Variants in CLTC observed in about 807,000 individuals in gnomAD.
CLTC encodes clathrin heavy chain 1.
CLTC carries 16 observed loss-of-function variants against 195.8 expected under a neutral mutation model. The ratio of observed to expected loss-of-function variants is 0.08; its 90% CI spans 0.06 to 0.12. The LOEUF (loss-of-function observed/expected upper bound fraction) is 0.12. CLTC is among the 10% of genes least tolerant of loss of function. CLTC has a pLI of 1.00. For missense variants in CLTC, 796 were observed against 2,027.0 expected (o/e 0.39, Z 11.66); for synonymous variants, 667 against 689.4 (o/e 0.97, Z 0.51).
chr17:59,660,322 TA>T, intron 6 of CLTC, 68 bp from the exon 7 acceptor site: 1 of 1,384,238 alleles, frequency 7.2e-7, no homozygotes, highest in Non-Finnish European at 1.0e-6. Context: ...TAACCTGTTC[TA>T]AACAGATTTG....
chr17:59,679,390 T>A lies in CLTC; in HGVS notation c.2797-7T>A. 1 of 1,597,078 alleles carries A rather than the reference T, an allele frequency of 6.3e-7. No homozygotes were observed. The highest frequency in any genetic ancestry group is 1.3e-5 in the African/African-American group (1 of 74,650). ...ACCTTGAAATTAATCTATCATATCT[T>A]CTTTAGGTTTGCAATGAGAATTCCC... On this transcript the variant is annotated splice_polypyrimidine_tract_variant and splice_region_variant and intron_variant, in intron 17 of 31. Transcript: ENST00000269122.
At chr17:59,663,023 A>G (rs1230129497) in intron 8 of CLTC, among the ~76,000 whole-genome samples, 1 of 152,232 alleles carries the variant, frequency 6.6e-6, no homozygotes, top group East Asian at 1.9e-4. Context: ...TTTTCTGTGA[A>G]CAGTCATATG....
intron 6 of CLTC, among the ~76,000 whole-genome samples, chr17:59,658,276 G>A (rs940715094): frequency 6.6e-6 from 1 of 152,142 alleles, no homozygotes; most frequent in Non-Finnish European, 1.5e-5. Flanking sequence ...GGGCTCAAGC[G>A]ATCCTCCTGC....
chr17:59,672,426 A>C (rs2032868773), intron 14 of CLTC, among the ~76,000 whole-genome samples: 1 of 130,432 alleles, frequency 7.7e-6, no homozygotes, highest in African/African-American at 2.7e-5. Flanking sequence ...TGTATAGGTA[A>C]GATGACTAGT....
chr17:59,658,189 C>T (rs1206992647), intron 6 of CLTC, among the ~76,000 whole-genome samples: 2 of 151,938 alleles, frequency 1.3e-5, no homozygotes, highest in East Asian at 1.9e-4. Flanking sequence ...GGTAACAGAG[C>T]GAGACTCCGT....
intron 4 of CLTC, among the ~76,000 whole-genome samples, chr17:59,650,313 T>A (rs565941590): frequency 6.6e-6 from 1 of 152,270 alleles, no homozygotes; most frequent in African/African-American, 2.4e-5. Context: ...TCTGTTTTAG[T>A]GTATATGTAT....
chr17:59,654,654 C>G (rs1199013366), intron 5 of CLTC, among the ~76,000 whole-genome samples: 1 of 151,914 alleles, frequency 6.6e-6, no homozygotes, highest in Non-Finnish European at 1.5e-5. Context: ...TAATTTCTTC[C>G]GTATTTAGTA....
At chr17:59,631,190 C>A (rs1299431448) in intron 1 of CLTC, among the ~76,000 whole-genome samples, 1 of 152,176 alleles carries the variant, frequency 6.6e-6, no homozygotes, top group African/African-American at 2.4e-5. Flanking sequence ...TATTGTGTAT[C>A]CTGTTTCAGA....
At chr17:59,637,232 T>C (rs2031889683) in intron 1 of CLTC, among the ~76,000 whole-genome samples, 1 of 151,918 alleles carries the variant, frequency 6.6e-6, no homozygotes, top group African/African-American at 2.4e-5. Flanking sequence ...CTGCTTTCAG[T>C]TATGTCTCTG....
intron 3 of CLTC, among the ~76,000 whole-genome samples, chr17:59,647,946 A>G (rs1296889656): frequency 6.6e-6 from 1 of 152,172 alleles, no homozygotes; most frequent in African/African-American, 2.4e-5. Context: ...GAGTTTCTGT[A>G]AGAATGATTT....
At chr17:59,668,636 G>A (rs575740422) in intron 13 of CLTC, 141 bp from the exon 14 acceptor site, 1 of 607,454 alleles carries the variant, frequency 1.6e-6, no homozygotes. Context: ...TAATGGAATA[G>A]TTAGTATTTT....
In CLTC at chr17:59,673,578, C is replaced by T. The variant is rs2032901482; in HGVS notation, c.2293-69C>T. On this transcript the variant is annotated intron_variant, in intron 14 of 31. Transcript: ENST00000269122. ...CTCTTGTTAGCGTAGAACAAATTCTCATATGTTACACAGATTTGATACCTC... is the reference window on the plus strand; with the variant it reads ...CTCTTGTTAGCGTAGAACAAATTCTTATATGTTACACAGATTTGATACCTC... The T allele has an allele frequency of 2.5e-6, 3 of 1,217,192 alleles. No homozygotes were observed. In the East Asian group the frequency reaches 7.0e-5, roughly 29 times the overall value. 75.4% of individuals were successfully genotyped at this position (1,217,192 alleles called of 1,614,324 possible).
chr17:59,659,736 C>A lies in CLTC; in HGVS notation c.970-655C>A, dbSNP rs1352936529. Among the ~76,000 whole-genome samples, 3 of 152,136 alleles carry A rather than the reference C, an allele frequency of 2.0e-5. No individual in the cohort carries two copies. The East Asian group carries it at 5.8e-4, about 29-fold the overall frequency. On this transcript the variant is annotated intron_variant, in intron 6 of 31. Transcript: ENST00000269122. ...GTGCTGGGATTACAGGCGTGAGCCA[C>A]TGCACCCGGCCTATTTTTTCAAGCA...
chr17:59,667,805 A>G (rs891963693), intron 13 of CLTC, among the ~76,000 whole-genome samples: 1 of 152,228 alleles, frequency 6.6e-6, no homozygotes, highest in Non-Finnish European at 1.5e-5. Context: ...AACCACTGCT[A>G]TACAGGGTAC....
intron 1 of CLTC, among the ~76,000 whole-genome samples, chr17:59,626,425 G>T (rs2031553177): frequency 6.6e-6 from 1 of 151,898 alleles, no homozygotes; most frequent in African/African-American, 2.4e-5. Context: ...TTAAATTAGG[G>T]TTCCTTGAAC....
At chr17:59,635,919 A>G (rs9891822) in intron 1 of CLTC, among the ~76,000 whole-genome samples, 88,625 of 152,042 alleles carry the variant, frequency 0.58, 28,831 homozygotes, top group Non-Finnish European at 0.74. Flanking sequence ...TTTAAGAACA[A>G]TCTATATCGG....
intron 5 of CLTC, among the ~76,000 whole-genome samples, chr17:59,654,725 C>T (rs1402404810): frequency 6.6e-6 from 1 of 152,242 alleles, no homozygotes; most frequent in East Asian, 1.9e-4. Context: ...AGGCAATCCA[C>T]CCACCTCGGC....
intron 6 of CLTC, among the ~76,000 whole-genome samples, chr17:59,656,666 A>ATTTTTTTTTTTTTTTTTTTTT (rs55669818): frequency 1.9e-4 from 18 of 96,222 alleles, no homozygotes; most frequent in Non-Finnish European, 2.1e-4. Context: ...TATTATTTTA[A>ATTTTTTTTTTTTTTTTTTTTT]TTTTTTTTTT....
Position 59,681,983 on chromosome 17 carries a change from G to A in CLTC, c.3442+144G>A. 1.3e-6 allele frequency: 1 copy of A among 786,786 alleles called. No individual in the cohort carries two copies. Among genetic ancestry groups the A allele is most frequent in the Non-Finnish European group, 1.9e-6 (1 of 517,660 alleles). The allele number at this position is 786,786 out of a possible 1,614,324, so 48.7% of individuals were successfully genotyped here. ...ATCTTAGTCCAGATAAAAAGAGGCT[G>A]TATTTTGTGAATTTGTAAGTTCACA... On this transcript the variant is annotated intron_variant, in intron 21 of 31. Coordinates refer to ENST00000269122, the MANE Select transcript of CLTC (RefSeq NM_004859.4). This position sits in a 1 kb window ranked among gnomAD's most constrained non-coding sequence, Gnocchi z 5.0.
Sources: gnomAD v4.1 joint callset for allele counts (sites outside exome capture counted in the v4.1 genomes callset) on GRCh38, gnomAD v4.1.1 for gene constraint, Gnocchi (gnomAD v3.1) non-coding constraint, MANE v1.5 for transcripts, NCBI Gene and HGNC (gene_info 2026-07-23, HGNC 2026-07-21) for gene names.